Variants in GUCY2D observed in about 807,000 individuals in gnomAD.
GUCY2D encodes retinal guanylyl cyclase 1.
GUCY2D carries 70 observed loss-of-function variants against 101.3 expected under a neutral mutation model. The ratio of observed to expected loss-of-function variants is 0.69; its 90% CI spans 0.57 to 0.84. The LOEUF is 0.84. Among genes scored for constraint, GUCY2D ranks in the 40% least tolerant of loss-of-function variants. GUCY2D has a pLI of 0.00. For synonymous variants in GUCY2D, 688 were observed against 670.7 expected (o/e 1.03, Z -0.40); for missense variants, 1,460 against 1,542.5 (o/e 0.95, Z 0.90).
rs780955201 is a variant in GUCY2D at position 8,015,539 on chromosome 17, C to T, written c.2944+37C>T. 4 of 1,576,870 alleles carry T rather than the reference C, an allele frequency of 2.5e-6. No homozygotes were observed. The South Asian group carries it at 4.5e-5, about 18-fold the overall frequency. On this transcript the variant is annotated intron_variant, in intron 15 of 19. Transcript: ENST00000254854. ...GTCTTCCCAGGCTCCAGCCCATCTC[C>T]CTCTTTAGGGCCTGGCCCCAGATTT...
Position 8,002,797 on chromosome 17 carries a change from T to A in GUCY2D, c.-10+63T>A. On this transcript the variant is annotated intron_variant, in intron 1 of 19. Transcript: ENST00000254854. This position sits in a 1 kb window ranked among gnomAD's most constrained non-coding sequence, Gnocchi z 4.9. ...TCTGAGGGCGCAGGCGAGTCCCTGC[T>A]GACCCCTGACGCCTCCGACGGGGGG... 7.9e-6 allele frequency: 4 copies of A among 506,444 alleles called. No individual in the cohort carries two copies. The highest frequency in any genetic ancestry group is 1.0e-5 in the Non-Finnish European group (3 of 288,294). 31.4% of individuals were successfully genotyped at this position (506,444 alleles called of 1,614,324 possible). A position where few individuals can be genotyped will look rare whatever the true frequency, so the allele number is the denominator to read the frequency against.
In GUCY2D at chr17:8,007,886, C is replaced by A. The variant is rs202132636; in HGVS notation, c.1567-45C>A. On this transcript the variant is annotated intron_variant, in intron 6 of 19. Transcript: ENST00000254854. ...GCCTGACCTCAACCCAGGACTCTGA[C>A]ACCAGAATATATTTTGACCTCTTGC... 5 of 1,229,966 alleles carry A rather than the reference C, an allele frequency of 4.1e-6. No homozygotes were observed. In the African/African-American group the frequency reaches 5.9e-5, roughly 15 times the overall value. The allele number at this position is 1,229,966 out of a possible 1,614,324, so 76.2% of individuals were successfully genotyped here.
intron 15 of GUCY2D, 39 bp from the exon 16 acceptor site, chr17:8,015,704 C>T (rs1326609153): frequency 1.4e-6 from 2 of 1,467,186 alleles, no homozygotes; most frequent in Non-Finnish European, 1.9e-6. Context: ...AGCCCAGGGC[C>T]GGCCCTGCTA....
rs1975650356 is a variant in GUCY2D, at chr17:8,002,826, G to A, written c.-10+92G>A. 5.7e-6 allele frequency: 3 copies of A among 528,030 alleles called. No homozygotes were observed. The allele number at this position is 528,030 out of a possible 1,614,324, so 32.7% of individuals were successfully genotyped here. Reference sequence around the variant, plus strand: ...CCCTGACGCCTCCGACGGGGGGAGGGGCAGGCCGGGTGGGAGCGGGAAGCC... The same window carrying A: ...CCCTGACGCCTCCGACGGGGGGAGGAGCAGGCCGGGTGGGAGCGGGAAGCC... On this transcript the variant is annotated intron_variant, in intron 1 of 19. Transcript: ENST00000254854. The surrounding 1 kb of genome is among the most constrained non-coding windows in gnomAD (Gnocchi z 4.9).
Position 8,012,480 on chromosome 17 carries a change from G to A in GUCY2D, c.1987G>A (p.Ala663Thr), listed in dbSNP as rs749314383. ...AAGGTATCTGCACCATCGAGGCGTGGCTCATGGGCGGCTGAAGTCACGGAA... is the reference window on the plus strand; with the variant it reads ...AAGGTATCTGCACCATCGAGGCGTGACTCATGGGCGGCTGAAGTCACGGAA... ...GIRYLHHRGV[A>T]HGRLKSRNCI... Residue 663 changes from alanine (A) to threonine (T), a missense_variant, in exon 10 of 20, where the codon GCT becomes ACT. Transcript: ENST00000254854. 5.6e-6 allele frequency: 9 copies of A among 1,614,070 alleles called. No individual in the cohort carries two copies. In the Admixed American group the frequency reaches 1.5e-4, roughly 27 times the overall value.
intron 4 of GUCY2D, 97 bp downstream of exon 4, chr17:8,006,811 G>T: frequency 2.6e-6 from 3 of 1,136,314 alleles, no homozygotes; most frequent in South Asian, 1.3e-5. Context: ...ATCCGTCTTC[G>T]ATGCCCTTCT....
At position 8,003,542 on chromosome 17, in the gene GUCY2D, G is replaced by A. The variant is rs1263048369; in HGVS notation, c.495G>A (p.Val165=). The change falls in exon 2 of 20, where the codon GTG becomes GTA. Residue 165 remains valine, a synonymous_variant. Coordinates refer to ENST00000254854, the MANE Select transcript of GUCY2D (RefSeq NM_000180.4). ...TQAEGTTAPA[V]TPAADALYAL... The stretch of plus-strand genomic sequence containing the variant: ...CGGAGGGCACCACGGCCCCTGCCGT[G>A]ACCCCCGCCGCGGATGCCCTCTACG... 2.6e-6 allele frequency: 4 copies of A among 1,552,784 alleles called. No homozygotes were observed.
intron 15 of GUCY2D, 114 bp downstream of exon 15, chr17:8,015,616 G>T (rs1829210689): frequency 8.4e-7 from 1 of 1,193,862 alleles, no homozygotes. Context: ...CCTTGAAGAG[G>T]ATGCACTTAA....
At chr17:8,008,341 G>T (rs894937681) in intron 7 of GUCY2D, among the ~76,000 whole-genome samples, 3 of 152,186 alleles carry the variant, frequency 2.0e-5, no homozygotes, top group Non-Finnish European at 4.4e-5. Flanking sequence ...GGACCAGCAG[G>T]TAACATGGTG....
Position 8,012,218 on chromosome 17 carries a change from G to A in GUCY2D, c.1824G>A (p.Ala608=), listed in dbSNP as rs765774591. Residue 608 remains alanine, a synonymous_variant, in exon 9 of 20, where the codon GCG becomes GCA. Coordinates refer to ENST00000254854, the MANE Select transcript of GUCY2D (RefSeq NM_000180.4). ...TGGCTCGGGGAGCAGAAGGCCCTGC[G>A]GCCCTCTGGGAGGGCAACCTGGCTG... ...LFLARGAEGP[A]ALWEGNLAVV... The A allele has an allele frequency of 3.2e-5, 52 of 1,613,858 alleles. 1 individual carries two copies. Among genetic ancestry groups the A allele is most frequent in the South Asian group, 9.9e-5 (9 of 91,092 alleles).
chr17:8,012,089 C>A, intron 8 of GUCY2D, 55 bp from the exon 9 acceptor site: 1 of 1,208,522 alleles, frequency 8.3e-7, no homozygotes, highest in Non-Finnish European at 1.2e-6. Flanking sequence ...TGATTAACAG[C>A]CCCTTCCCCA....
chr17:8,017,542 C>A (rs988815735), intron 19 of GUCY2D, among the ~76,000 whole-genome samples: 10 of 152,318 alleles, frequency 6.6e-5, no homozygotes, highest in African/African-American at 2.4e-4. Context: ...AATCAGGGAA[C>A]TTGCCCAAGT....
Position 8,006,618 on chromosome 17 carries a change from C to T in GUCY2D, c.1282C>T (p.Leu428Phe), listed in dbSNP as rs1227290945. The change falls in exon 4 of 20, where the codon CTC becomes TTC. Residue 428 changes from leucine (L) to phenylalanine (F), a missense_variant. Physicochemically the swap from Leu to Phe is conservative, Grantham distance 22 (BLOSUM62 0). Transcript: ENST00000254854. ...YMLDPARGSF[L>F]SAGTRMHFPR... ...GCTGGATCCTGCCCGGGGCTCCTTC[C>T]TCTCCGCCGGTACCCGGATGCACTT... is the stretch of plus-strand genomic sequence containing the variant. 4 of 1,612,994 alleles carry T rather than the reference C, an allele frequency of 2.5e-6. No individual in the cohort carries two copies. The South Asian group carries it at 4.4e-5, about 18-fold the overall frequency.
At chr17:8,016,727 T>C in intron 19 of GUCY2D, 173 bp downstream of exon 19, 1 of 589,114 alleles carries the variant, frequency 1.7e-6, no homozygotes, top group Non-Finnish European at 3.0e-6. Context: ...TTTGGTTCAG[T>C]AGATCTGGAG....
chr17:8,004,173 G>T lies in GUCY2D; in HGVS notation c.1026+17G>T. On this transcript the variant is annotated intron_variant, in intron 3 of 19. Transcript: ENST00000254854. ...CTGCAGCAGGTAGACGGTCCCGGGA[G>T]GAGGGAAGAAGGCAAGGGAGAGGGG... is the stretch of plus-strand genomic sequence containing the variant. 6.3e-7 allele frequency: 1 copy of T among 1,577,488 alleles called. No homozygotes were observed. Among genetic ancestry groups the T allele is most frequent in the Non-Finnish European group, 8.6e-7 (1 of 1,166,084 alleles).
At position 8,003,364 on chromosome 17, in the gene GUCY2D, G is replaced by T. The variant is rs772514611; in HGVS notation, c.317G>T (p.Arg106Leu). The T allele has an allele frequency of 8.9e-6, 13 of 1,466,254 alleles. No individual in the cohort carries two copies. The highest frequency in any genetic ancestry group is 1.2e-5 in the Non-Finnish European group (13 of 1,115,964). 90.8% of individuals were successfully genotyped at this position (1,466,254 alleles called of 1,614,324 possible). Residue 106 changes from arginine to leucine, a missense_variant, in exon 2 of 20, where the codon CGG becomes CTG. Physicochemically the swap from Arg to Leu is moderately radical, Grantham distance 102. Transcript: ENST00000254854. Reference protein sequence around the residue: ...FEVALLPEPCRTPGSLGAVSS... With the variant: ...FEVALLPEPCLTPGSLGAVSS... ...GTAGCGCTGCTGCCCGAGCCTTGCCGGACGCCGGGCTCGCTGGGGGCCGTG... is the reference window on the plus strand; with the variant it reads ...GTAGCGCTGCTGCCCGAGCCTTGCCTGACGCCGGGCTCGCTGGGGGCCGTG...
rs11655487 is a variant in GUCY2D, at chr17:8,014,380, T to G, written c.2413-221T>G. On this transcript the variant is annotated intron_variant, in intron 12 of 19. Coordinates refer to ENST00000254854, the MANE Select transcript of GUCY2D (RefSeq NM_000180.4). The surrounding 1 kb of genome is among the most constrained non-coding windows in gnomAD (Gnocchi z 4.0). ...GTGCCCTGTCAATTACTAGCTGAGATCAACTGACCTCTGGGAACCCTCATT... is the reference window on the plus strand; with the variant it reads ...GTGCCCTGTCAATTACTAGCTGAGAGCAACTGACCTCTGGGAACCCTCATT... The G allele has an allele frequency of 1.6e-6, 1 of 623,002 alleles. No homozygotes were observed. Among genetic ancestry groups the G allele is most frequent in the Admixed American group, 2.4e-5 (1 of 40,872 alleles). The allele number at this position is 623,002 out of a possible 1,614,324, so 38.6% of individuals were successfully genotyped here.
Position 8,015,860 on chromosome 17 carries a change from A to T in GUCY2D, c.3043+19A>T. 6.2e-7 allele frequency: 1 copy of T among 1,606,818 alleles called. No individual in the cohort carries two copies. The highest frequency in any genetic ancestry group is 1.1e-5 in the South Asian group (1 of 90,232). On this transcript the variant is annotated intron_variant, in intron 16 of 19. Transcript: ENST00000254854. ...GGGCTGCGTGAGTGTGACGGGGACA[A>T]GACGGGGAGGTGGGAGGGGGACACG...
chr17:8,019,319 A>C (rs972138651), intron 19 of GUCY2D, among the ~76,000 whole-genome samples: 1 of 152,140 alleles, frequency 6.6e-6, no homozygotes, highest in Admixed American at 6.5e-5. Context: ...TGCCTCAAGG[A>C]AGAGTCCAGG....
Sources: gnomAD v4.1 joint callset for allele counts (sites outside exome capture counted in the v4.1 genomes callset) on GRCh38, gnomAD v4.1.1 for gene constraint, Gnocchi (gnomAD v3.1) non-coding constraint, MANE v1.5 for transcripts, NCBI Gene and HGNC (gene_info 2026-07-23, HGNC 2026-07-21) for gene names.